The following IGSF11 variants were observed in gnomAD, a reference collection of about 807,000 sequenced individuals.
The protein encoded by IGSF11 is immunoglobulin superfamily member 11.
A neutral mutation model predicts 41.0 loss-of-function variants in IGSF11; 22 were observed. The ratio of observed to expected loss-of-function variants is 0.54; its 90% CI spans 0.38 to 0.77. The LOEUF is 0.77. Ranked by LOEUF, IGSF11 falls within the 30% of genes least tolerant of loss-of-function variation. IGSF11 has a pLI of 0.00. For missense variants in IGSF11, 444 were observed against 530.8 expected, an observed-to-expected ratio of 0.84 and a Z score of 1.61; for synonymous variants, 219 against 201.3, an observed-to-expected ratio of 1.09 and a Z score of -0.74.
At chr3:119,072,670 C>T (rs1243036019) in intron 1 of IGSF11, among the ~76,000 whole-genome samples, 1 of 152,102 alleles carries the variant, frequency 6.6e-6, no homozygotes, top group Non-Finnish European at 1.5e-5. Flanking sequence ...CCGGTTGGTT[C>T]GTGGTCTTGC....
intron 1 of IGSF11, among the ~76,000 whole-genome samples, chr3:119,003,929 T>G (rs1471743218): frequency 6.6e-6 from 1 of 150,440 alleles, no homozygotes; most frequent in Admixed American, 6.6e-5. Context: ...ATTCTCTTTT[T>G]TGGTTGTGTC....
At chr3:119,098,010 C>G (rs902535855) in intron 1 of IGSF11, among the ~76,000 whole-genome samples, 1 of 121,382 alleles carries the variant, frequency 8.2e-6, no homozygotes, top group East Asian at 2.6e-4. Flanking sequence ...TGCCATGTTG[C>G]CCAGGCCTCC....
intron 1 of IGSF11, chr3:118,949,098 T>C (rs1442283577): frequency 6.6e-6 from 1 of 151,918 alleles, no homozygotes; most frequent in Non-Finnish European, 1.5e-5. Context: ...TGGATACTCT[T>C]CGGCCCTGGT....
chr3:119,116,859 C>T lies in IGSF11; in HGVS notation c.-13-11654G>A, dbSNP rs116320799. ...CTGGACCTGATGGCTCTACCTGAAC[C>T]GACAACCCCACTCCTGTAGCCCCAC... On this transcript the variant is annotated intron_variant, in intron 1 of 7. Coordinates refer to the IGSF11 transcript ENST00000425327. Among the ~76,000 whole-genome samples the T allele has an allele frequency of 4.7e-3, 721 of 152,192 alleles. 13 individuals carry two copies. Among genetic ancestry groups the T allele is most frequent in the African/African-American group, 0.017 (686 of 41,534 alleles).
At chr3:118,961,090 A>G (rs1282709956) in intron 1 of IGSF11, among the ~76,000 whole-genome samples, 1 of 152,226 alleles carries the variant, frequency 6.6e-6, no homozygotes, top group Non-Finnish European at 1.5e-5. Context: ...TAAAAGACAC[A>G]ATCTGTAAAG....
intron 1 of IGSF11, among the ~76,000 whole-genome samples, chr3:119,095,763 A>G (rs1426625619): frequency 3.3e-5 from 5 of 152,230 alleles, no homozygotes; most frequent in Non-Finnish European, 7.3e-5. Context: ...TTGGAGATTC[A>G]GCACTTTCAC....
At chr3:118,944,072 A>C (rs542956624) in intron 1 of IGSF11, among the ~76,000 whole-genome samples, 1 of 152,330 alleles carries the variant, frequency 6.6e-6, no homozygotes, top group Admixed American at 6.5e-5. Flanking sequence ...GCTTCTTTCC[A>C]AATTAAACAC....
At chr3:119,126,140 G>A (rs1349980250) in intron 1 of IGSF11, among the ~76,000 whole-genome samples, 1 of 152,232 alleles carries the variant, frequency 6.6e-6, no homozygotes, top group East Asian at 1.9e-4. Flanking sequence ...CGTGGGAGAA[G>A]AGTGACACCC....
At chr3:118,908,153 G>A (rs1939842893) in intron 4 of IGSF11, among the ~76,000 whole-genome samples, 1 of 152,124 alleles carries the variant, frequency 6.6e-6, no homozygotes, top group African/African-American at 2.4e-5. Flanking sequence ...GACAATTTGG[G>A]AAATTTTAAA....
chr3:119,054,920 G>A (rs908119012), intron 1 of IGSF11, among the ~76,000 whole-genome samples: 14 of 152,104 alleles, frequency 9.2e-5, no homozygotes, highest in African/African-American at 3.4e-4. Context: ...TAACTGGGAG[G>A]CACCCCCAAG....
At position 119,076,255 on chromosome 3, in the gene IGSF11, T is replaced by C. The variant is rs1407028327; in HGVS notation, c.49+28889A>G. 3.3e-5 allele frequency among the ~76,000 whole-genome samples: 5 copies of C among 152,288 alleles called. No homozygotes were observed. In the East Asian group the frequency reaches 9.6e-4, roughly 29 times the overall value. On this transcript the variant is annotated intron_variant, in intron 1 of 6. Coordinates refer to the IGSF11 transcript ENST00000354673. ...CCCTTCCTTACACCTTATACAAACATTAATTCAAGATGAATTAAAGACTTA... is the reference window on the plus strand; with the variant it reads ...CCCTTCCTTACACCTTATACAAACACTAATTCAAGATGAATTAAAGACTTA...
intron 1 of IGSF11, among the ~76,000 whole-genome samples, chr3:119,027,730 A>C (rs771152167): frequency 5.3e-5 from 8 of 152,196 alleles, no homozygotes; most frequent in African/African-American, 7.2e-5. Flanking sequence ...AAGCCCCAAT[A>C]ATCTTTAAGG....
chr3:118,907,032 T>C (rs2107473112), intron 4 of IGSF11, among the ~76,000 whole-genome samples: 1 of 152,256 alleles, frequency 6.6e-6, no homozygotes, highest in East Asian at 1.9e-4. Context: ...CCATTCAAAA[T>C]AGCTGCAAAT....
At chr3:119,102,193 G>T (rs536223771) in intron 1 of IGSF11, among the ~76,000 whole-genome samples, 1 of 152,120 alleles carries the variant, frequency 6.6e-6, no homozygotes, top group South Asian at 2.1e-4. Context: ...CCATTTATCT[G>T]TGGTTGTTGA....
chr3:118,905,575 T>C (rs768887202), intron 5 of IGSF11, 21 bp downstream of exon 5: 6 of 1,613,346 alleles, frequency 3.7e-6, no homozygotes. Context: ...ATGGTTGACA[T>C]CAGAATTTCC....
Position 118,902,772 on chromosome 3 carries a change from G to A in IGSF11, c.1044C>T (p.His348=). 2 of 1,614,174 alleles carry A rather than the reference G, an allele frequency of 1.2e-6. No homozygotes were observed. The highest frequency in any genetic ancestry group is 1.7e-6 in the Non-Finnish European group (2 of 1,179,996). The part of the protein sequence containing the change: ...FSDLGQSFSF[H]SGNANIPSIY... The stretch of plus-strand genomic sequence containing the variant: ...TGGATGGTATGTTGGCATTGCCTGA[G>A]TGGAAAGAGAAAGATTGGCCCAAGT... Residue 348 remains histidine (H), a synonymous_variant, in exon 7 of 7, where the codon CAC becomes CAT. Transcript: ENST00000393775.
chr3:119,063,305 A>G (rs566378315), intron 1 of IGSF11, among the ~76,000 whole-genome samples: 18 of 152,340 alleles, frequency 1.2e-4, no homozygotes, highest in African/African-American at 4.3e-4. Flanking sequence ...TAATTCCTCT[A>G]CAAAGACTGA....
intron 5 of IGSF11, 91 bp from the exon 6 acceptor site, chr3:118,904,889 A>G (rs1559869196): frequency 1.9e-6 from 2 of 1,055,886 alleles, no homozygotes; most frequent in Admixed American, 2.5e-5. Flanking sequence ...TAAGCTTACT[A>G]AATAATCTGC....
At chr3:119,107,047 T>A (rs1015684820), upstream of IGSF11, among the ~76,000 whole-genome samples, 4 of 152,214 alleles carry the variant, frequency 2.6e-5, no homozygotes, top group African/African-American at 9.7e-5. Context: ...ACAATCAACA[T>A]ACGTGTGCAT....
Sources: gnomAD v4.1 joint callset for allele counts (sites outside exome capture counted in the v4.1 genomes callset) on GRCh38, gnomAD v4.1.1 for gene constraint, MANE v1.5 for transcripts, NCBI Gene and HGNC (gene_info 2026-07-23, HGNC 2026-07-21) for gene names.